Variants in NUP210L observed in about 807,000 individuals in gnomAD.
NUP210L encodes nuclear pore membrane glycoprotein 210-like.
NUP210L carries 74 observed loss-of-function variants against 208.5 expected under a neutral mutation model. That is an observed-to-expected ratio of 0.35 (90% CI 0.29 to 0.43). The LOEUF is 0.43. NUP210L is among the 20% of genes least tolerant of loss of function. The pLI, the probability that NUP210L is intolerant of heterozygous loss-of-function variation, is 1.00. For missense variants in NUP210L, 1,843 were observed against 2,289.4 expected (o/e 0.81, Z 3.98); for synonymous variants, 780 against 816.9 (o/e 0.95, Z 0.77).
chr1:154,031,096 T>C (rs555834012), intron 27 of NUP210L, among the ~76,000 whole-genome samples: 1 of 152,212 alleles, frequency 6.6e-6, no homozygotes, highest in South Asian at 2.1e-4. Flanking sequence ...TTAGTTATTT[T>C]AGTTTATTTT....
At chr1:154,131,792 CTTTTT>C (rs1170045329) in intron 7 of NUP210L, among the ~76,000 whole-genome samples, 1 of 151,812 alleles carries the variant, frequency 6.6e-6, no homozygotes, top group Admixed American at 6.6e-5. Flanking sequence ...GTTTTTCTTT[CTTTTT>C]TTCTTTTTTC....
intron 22 of NUP210L, 96 bp from the exon 23 acceptor site, chr1:154,057,043 A>G: frequency 3.3e-6 from 4 of 1,205,674 alleles, no homozygotes; most frequent in Non-Finnish European, 4.7e-6. Flanking sequence ...CAGTGGCATG[A>G]TCTCAGCTCA....
In NUP210L at chr1:154,009,878, A is replaced by C; in HGVS notation, c.4930+94T>G. On this transcript the variant is annotated intron_variant, in intron 35 of 39. Coordinates refer to ENST00000368559, the Ensembl canonical transcript of NUP210L. Reference sequence around the variant, plus strand: ...AGATTCCACAGTTATATATCAGATGAAACTACAGATATAAATGCAATCCAA... The same window carrying C: ...AGATTCCACAGTTATATATCAGATGCAACTACAGATATAAATGCAATCCAA... The C allele has an allele frequency of 2.9e-6, 3 of 1,018,598 alleles. No individual in the cohort carries two copies. In the South Asian group the frequency reaches 6.1e-5, roughly 21 times the overall value. The allele number at this position is 1,018,598 out of a possible 1,614,324, so 63.1% of individuals were successfully genotyped here. A position where few individuals can be genotyped will look rare whatever the true frequency, so the allele number is the denominator to read the frequency against.
At chr1:154,077,443 A>C (rs775412369) in intron 16 of NUP210L, among the ~76,000 whole-genome samples, 3 of 152,122 alleles carry the variant, frequency 2.0e-5, no homozygotes, top group Non-Finnish European at 4.4e-5. Flanking sequence ...TGGGCAGAAT[A>C]ATCCTTCAAA....
intron 2 of NUP210L, among the ~76,000 whole-genome samples, chr1:154,151,125 T>C (rs1659358490): frequency 1.3e-5 from 2 of 152,030 alleles, no homozygotes; most frequent in African/African-American, 4.8e-5. Flanking sequence ...CAGAATGAAT[T>C]TGTGTAGTTA....
chr1:154,137,705 A>AC (rs1179936949), intron 6 of NUP210L, among the ~76,000 whole-genome samples: 3 of 152,054 alleles, frequency 2.0e-5, no homozygotes, highest in Non-Finnish European at 2.9e-5. Context: ...ACAGAGTGAG[A>AC]CCCCCATCTC....
At chr1:154,108,642 A>G (rs1354360210) in intron 12 of NUP210L, among the ~76,000 whole-genome samples, 1 of 151,736 alleles carries the variant, frequency 6.6e-6, no homozygotes, top group South Asian at 2.1e-4. Flanking sequence ...AATCACCTTC[A>G]CAAAAAGGAA....
At chr1:154,131,135 G>T (rs1156844720) in intron 7 of NUP210L, among the ~76,000 whole-genome samples, 1 of 151,800 alleles carries the variant, frequency 6.6e-6, no homozygotes, top group African/African-American at 2.4e-5. Context: ...AGCCAGGCGT[G>T]GTGGCAGGCG....
At chr1:154,036,366 CTTT>C (rs34750631) in intron 27 of NUP210L, among the ~76,000 whole-genome samples, 10 of 65,442 alleles carry the variant, frequency 1.5e-4, no homozygotes, top group Admixed American at 1.3e-3. Context: ...GTGTGTATAA[CTTT>C]TTTTTTTTTT....
At chr1:153,995,053 G>C (rs775365016) in intron 38 of NUP210L, 23 bp downstream of exon 38, 4 of 1,309,752 alleles carry the variant, frequency 3.1e-6, no homozygotes, top group Non-Finnish European at 4.3e-6. Flanking sequence ...CAAAGTCTAT[G>C]TTATTGAATA....
intron 1 of NUP210L, among the ~76,000 whole-genome samples, chr1:154,154,113 CT>C (rs978214725): frequency 5.8e-4 from 88 of 152,236 alleles, no homozygotes; most frequent in African/African-American, 2.0e-3. Flanking sequence ...TGTGTACCCC[CT>C]GTCCTCACAC....
chr1:154,092,736 G>A (rs1227767996), intron 15 of NUP210L, among the ~76,000 whole-genome samples: 2 of 149,816 alleles, frequency 1.3e-5, no homozygotes, highest in African/African-American at 4.9e-5. Context: ...TTGTTTGTTT[G>A]TTTTTTGAGA....
At chr1:154,007,935 G>A (rs1650659263) in intron 35 of NUP210L, among the ~76,000 whole-genome samples, 1 of 150,504 alleles carries the variant, frequency 6.6e-6, no homozygotes, top group Admixed American at 6.7e-5. Flanking sequence ...GCAGTGGCAC[G>A]ATTTTGGCTC....
At chr1:154,043,609 G>A (rs1168532927) in intron 27 of NUP210L, among the ~76,000 whole-genome samples, 10 of 147,254 alleles carry the variant, frequency 6.8e-5, no homozygotes, top group African/African-American at 1.2e-4. Flanking sequence ...AATTACAGGC[G>A]TGAACCACTG....
chr1:154,008,921 T>G lies in NUP210L; in HGVS notation c.4930+1051A>C, dbSNP rs542679568. ...ACCTTATTTATACCTTACATTTTTTTTTTTTTGAGATGAAGTCTTGCTCTT... is the reference window on the plus strand; with the variant it reads ...ACCTTATTTATACCTTACATTTTTTGTTTTTTGAGATGAAGTCTTGCTCTT... On this transcript the variant is annotated intron_variant, in intron 35 of 39. Transcript: ENST00000368559. Among the ~76,000 whole-genome samples the G allele has an allele frequency of 3.6e-3, 546 of 152,114 alleles. 5 individuals are homozygous for G. Among genetic ancestry groups the G allele is most frequent in the African/African-American group, 0.011 (465 of 41,522 alleles).
At chr1:154,100,755 T>C (rs1296467638) in intron 13 of NUP210L, among the ~76,000 whole-genome samples, 1 of 151,392 alleles carries the variant, frequency 6.6e-6, no homozygotes, top group East Asian at 2.0e-4. Context: ...CCTGACCCTG[T>C]GATCCACCCA....
Position 154,127,292 on chromosome 1 carries a change from A to T in NUP210L, c.1185+19T>A. 1.5e-6 allele frequency: 2 copies of T among 1,304,620 alleles called. No homozygotes were observed. Among genetic ancestry groups the T allele is most frequent in the Non-Finnish European group, 1.1e-6 (1 of 908,096 alleles). The allele number at this position is 1,304,620 out of a possible 1,614,324, so 80.8% of individuals were successfully genotyped here. A position where few individuals can be genotyped will look rare whatever the true frequency, so the allele number is the denominator to read the frequency against. ...TTATCCCTACAAGGAGCTCAGAAAAATAAAAAAGACTGACTCACATCTGAA... is the reference window on the plus strand; with the variant it reads ...TTATCCCTACAAGGAGCTCAGAAAATTAAAAAAGACTGACTCACATCTGAA... On this transcript the variant is annotated intron_variant, in intron 9 of 39. Coordinates refer to ENST00000368559, the Ensembl canonical transcript of NUP210L.
chr1:154,143,135 C>T (rs575127785), intron 3 of NUP210L, among the ~76,000 whole-genome samples: 1 of 151,588 alleles, frequency 6.6e-6, no homozygotes, highest in South Asian at 2.1e-4. Flanking sequence ...TTGCAGTGAG[C>T]CAAGATCATG....
At chr1:154,054,274 A>G in exon 25 of NUP210L, 3 of 1,614,208 alleles carry the variant, frequency 1.9e-6, no homozygotes, top group Non-Finnish European at 1.7e-6. Flanking sequence ...TACTGTCTGG[A>G]TGGTGCCATG....
Sources: gnomAD v4.1 joint callset for allele counts (sites outside exome capture counted in the v4.1 genomes callset) on GRCh38, gnomAD v4.1.1 for gene constraint, MANE v1.5 for transcripts, NCBI Gene and HGNC (gene_info 2026-07-23, HGNC 2026-07-21) for gene names.